EPM2A: variants seen among roughly 807,000 people sequenced by gnomAD.
EPM2A encodes EPM2A glucan phosphatase, laforin.
In EPM2A, 21 loss-of-function variants were observed where a neutral mutation model predicts 26.5. That is an observed-to-expected ratio of 0.79 (90% CI 0.56 to 1.14). The LOEUF is 1.14. Ranked by LOEUF, EPM2A falls within the 50% of genes most tolerant of loss-of-function variation. The pLI, the probability that EPM2A is intolerant of heterozygous loss-of-function variation, is 0.00. For missense variants in EPM2A, 458 were observed against 440.8 expected (o/e 1.04, Z -0.35); for synonymous variants, 217 against 177.6 (o/e 1.22, Z -1.76).
At chr6:145,716,857 T>A (rs1012608569) in intron 1 of EPM2A, among the ~76,000 whole-genome samples, 31 of 152,206 alleles carry the variant, frequency 2.0e-4, no homozygotes, top group Admixed American at 1.2e-3. Flanking sequence ...CTTCTTGGAT[T>A]CAGATCAGAT....
intron 2 of EPM2A, among the ~76,000 whole-genome samples, chr6:145,544,783 C>CT (rs1251906672): frequency 6.6e-6 from 1 of 152,068 alleles, no homozygotes; most frequent in African/African-American, 2.4e-5. Flanking sequence ...ACTAGTATTG[C>CT]TTTTTTTGGA....
chr6:145,523,228 C>A (rs1003304925), intron 2 of EPM2A, among the ~76,000 whole-genome samples: 2 of 152,102 alleles, frequency 1.3e-5, no homozygotes, highest in African/African-American at 2.4e-5. Flanking sequence ...ATGATTGACG[C>A]AATTCTACAA....
At chr6:145,459,528 TA>T (rs1449988034) in intron 4 of EPM2A, among the ~76,000 whole-genome samples, 2 of 152,194 alleles carry the variant, frequency 1.3e-5, no homozygotes, top group African/African-American at 2.4e-5. Flanking sequence ...TATGACTGTT[TA>T]AAAAGGTCAT....
rs1187061981 is a variant in EPM2A, at chr6:145,554,459, G to GATAGATAGATAGATAC, written c.341-51885_341-51884insGTATCTATCTATCTAT. On this transcript the variant is annotated intron_variant, in intron 2 of 3. Transcript: ENST00000450221. ...AGATAGATAGATAGATAGATAGATA[G>GATAGATAGATAGATAC]ATAGATAGATACATAGACAGAGAGA... Among the ~76,000 whole-genome samples, 837 of 151,542 alleles carry GATAGATAGATAGATAC rather than the reference G, an allele frequency of 5.5e-3. 2 individuals carry two copies. The highest frequency in any genetic ancestry group is 5.5e-3 in the Non-Finnish European group (373 of 67,872).
chr6:145,535,214 T>A (rs553199384), intron 2 of EPM2A, among the ~76,000 whole-genome samples: 1 of 152,306 alleles, frequency 6.6e-6, no homozygotes, highest in Non-Finnish European at 1.5e-5. Context: ...AGAGAGTCCA[T>A]TTGTAACATC....
chr6:145,465,501 C>G (rs1779377535), intron 4 of EPM2A, among the ~76,000 whole-genome samples: 1 of 146,412 alleles, frequency 6.8e-6, no homozygotes, highest in Non-Finnish European at 1.5e-5. Flanking sequence ...AGCTTTGTTC[C>G]GTTGCTGGTG....
rs186952249 is a variant in EPM2A at position 145,462,724 on chromosome 6, A to G, written c.555+39798T>C. Among the ~76,000 whole-genome samples the G allele has an allele frequency of 1.2e-4, 18 of 152,248 alleles. No individual in the cohort carries two copies. In the East Asian group the frequency reaches 3.3e-3, roughly 28 times the overall value. On this transcript the variant is annotated intron_variant, in intron 4 of 4. Coordinates refer to the EPM2A transcript ENST00000638717. ...CCTCTTACTTGCCACAAGCATGTAC[A>G]CTATGTCAACACATCTCTGAATCCC...
intron 2 of EPM2A, among the ~76,000 whole-genome samples, chr6:145,580,764 T>A (rs1029610996): frequency 2.0e-5 from 3 of 152,156 alleles, no homozygotes; most frequent in Non-Finnish European, 2.9e-5. Flanking sequence ...AATGAGAACA[T>A]GTCGTATTTG....
chr6:145,398,093 G>T (rs1433490175), intron 4 of EPM2A, among the ~76,000 whole-genome samples: 1 of 150,498 alleles, frequency 6.6e-6, no homozygotes, highest in African/African-American at 2.4e-5. Flanking sequence ...TATATCTGTA[G>T]AAATTTTATG....
chr6:145,452,597 A>G lies in EPM2A; in HGVS notation c.555+49925T>C, dbSNP rs192155773. On this transcript the variant is annotated intron_variant, in intron 4 of 4. Transcript: ENST00000638717. ...TGAGGCAGGAGAATGGCGTGAACCC[A>G]GGAGACGGAGCTTGCAGGGAGGCGG... is the stretch of plus-strand genomic sequence containing the variant. 3.1e-3 allele frequency among the ~76,000 whole-genome samples: 459 copies of G among 149,226 alleles called. 10 individuals carry two copies. The East Asian group carries it at 0.055, about 18-fold the overall frequency.
rs1777588828 is a variant in EPM2A at position 145,647,724 on chromosome 6, GAAGTGA to G, written c.477-12244_477-12239del. 3.3e-5 allele frequency among the ~76,000 whole-genome samples: 5 copies of G among 151,690 alleles called. No homozygotes were observed. The East Asian group carries it at 5.8e-4, about 18-fold the overall frequency. ...GAAAGGGGAAGGGGAAGGGGAAGGG[GAAGTGA>G]AAGGGGAAGAGGAAGGGAAGAAGGA... On this transcript the variant is annotated intron_variant, in intron 2 of 3. Transcript: ENST00000367519.
chr6:145,393,829 CTTT>C (rs1282770683), intron 4 of EPM2A, among the ~76,000 whole-genome samples: 1 of 45,458 alleles, frequency 2.2e-5, no homozygotes, highest in Non-Finnish European at 5.0e-5. Flanking sequence ...ATTTTTTTTT[CTTT>C]TTTTTTTTTG....
rs141841223 is a variant in EPM2A at position 145,663,237 on chromosome 6, T to A, written c.476+22885A>T. Among the ~76,000 whole-genome samples, 19 of 152,318 alleles carry A rather than the reference T, an allele frequency of 1.2e-4. No homozygotes were observed. In the East Asian group the frequency reaches 3.5e-3, roughly 28 times the overall value. ...GAAATGATAGCAAATACATTAAGAT[T>A]AATAATAATTGGGGGGAACTAAGAT... On this transcript the variant is annotated intron_variant, in intron 2 of 3. Transcript: ENST00000367519.
intron 4 of EPM2A, among the ~76,000 whole-genome samples, chr6:145,404,063 C>T (rs1193160817): frequency 6.6e-6 from 1 of 152,096 alleles, no homozygotes; most frequent in Admixed American, 6.6e-5. Flanking sequence ...TGTATGTCTT[C>T]TTGTGAGAAG....
chr6:145,630,669 T>A (rs1217263392), intron 3 of EPM2A: 2 of 152,256 alleles, frequency 1.3e-5, no homozygotes, highest in Non-Finnish European at 2.9e-5. Context: ...CATCTCAGCC[T>A]GGCCACAGCT....
chr6:145,639,904 C>T (rs1776963908), intron 2 of EPM2A: 1 of 152,162 alleles, frequency 6.6e-6, no homozygotes, highest in Non-Finnish European at 1.5e-5. Flanking sequence ...GTGCTATAAT[C>T]AGATTATACA....
chr6:145,593,020 A>C (rs1244703833), intron 2 of EPM2A, among the ~76,000 whole-genome samples: 2 of 152,132 alleles, frequency 1.3e-5, no homozygotes, highest in African/African-American at 2.4e-5. Context: ...TTGTCAATAT[A>C]GATAAAAACA....
At chr6:145,420,125 T>C (rs1405747951) in intron 4 of EPM2A, among the ~76,000 whole-genome samples, 1 of 152,116 alleles carries the variant, frequency 6.6e-6, no homozygotes, top group African/African-American at 2.4e-5. Flanking sequence ...AATTAAATCA[T>C]CTCATTTTTT....
At chr6:145,570,616 C>T (rs1348738636) in intron 2 of EPM2A, among the ~76,000 whole-genome samples, 1 of 152,190 alleles carries the variant, frequency 6.6e-6, no homozygotes, top group African/African-American at 2.4e-5. Flanking sequence ...TGATGACTGC[C>T]TTCTTCTACT....
Sources: gnomAD v4.1 joint callset for allele counts (sites outside exome capture counted in the v4.1 genomes callset) on GRCh38, gnomAD v4.1.1 for gene constraint, MANE v1.5 for transcripts, NCBI Gene and HGNC (gene_info 2026-07-23, HGNC 2026-07-21) for gene names.